The following PCDHGA4 variants were observed in gnomAD, a reference collection of about 807,000 sequenced individuals.
PCDHGA4 encodes protocadherin gamma subfamily A, 4, also known as protocadherin gamma-A4.
PCDHGA4 carries 38 observed loss-of-function variants against 54.6 expected under a neutral mutation model. The observed-to-expected ratio is 0.70, with a 90% confidence interval of 0.54 to 0.91. PCDHGA4 has a LOEUF of 0.91. Ranked by LOEUF, PCDHGA4 falls within the 40% of genes least tolerant of loss-of-function variation. The pLI is 0.00. For synonymous variants in PCDHGA4, 511 were observed against 512.9 expected, an observed-to-expected ratio of 1.00 and a Z score of 0.05; for missense variants, 1,298 against 1,220.9, an observed-to-expected ratio of 1.06 and a Z score of -0.94.
chr5:141,409,861 A>C, intron 1 of PCDHGA4: 1 of 1,612,406 alleles, frequency 6.2e-7, no homozygotes, highest in Non-Finnish European at 8.5e-7. Context: ...TGTTGGTGGG[A>C]GACCGCAATG....
At chr5:141,423,187 C>G in intron 1 of PCDHGA4, 5 of 1,613,640 alleles carry the variant, frequency 3.1e-6, no homozygotes, top group Middle Eastern at 1.6e-4. Context: ...CGGCCAGCCC[C>G]CTCTCTCGGC....
intron 1 of PCDHGA4, among the ~76,000 whole-genome samples, chr5:141,407,512 T>C (rs910710605): frequency 6.6e-6 from 1 of 152,192 alleles, no homozygotes; most frequent in East Asian, 1.9e-4. Context: ...TCTTAGGCTA[T>C]GTAGGACTTA....
rs1167955962 is a variant in PCDHGA4, at chr5:141,477,078, A to G, written c.2515-17729A>G. ...GAGGACACCAAACTCCATGAGATTT[A>G]CATCCAGGCCAAAGACAAGGGCGCC... On this transcript the variant is annotated intron_variant, in intron 1 of 3. Transcript: ENST00000571252. This position sits in a 1 kb window ranked among gnomAD's most constrained non-coding sequence, Gnocchi z 4.9. The G allele has an allele frequency of 6.8e-6, 11 of 1,614,262 alleles. No individual in the cohort carries two copies. In the South Asian group the frequency reaches 1.2e-4, roughly 18 times the overall value.
chr5:141,421,831 G>C lies in PCDHGA4; in HGVS notation c.2514+64210G>C, dbSNP rs201283981. ...AGAGCTAGTACTGGAGGGAAGCCTG[G>C]ACCGAGAGAAAGAGGCTGCTCACCT... On this transcript the variant is annotated intron_variant, in intron 1 of 3. Transcript: ENST00000571252. 68 of 1,613,784 alleles carry C rather than the reference G, an allele frequency of 4.2e-5. 1 individual carries two copies. The East Asian group carries it at 1.4e-3, about 33-fold the overall frequency.
At chr5:141,465,779 G>GTT (rs879859429) in intron 1 of PCDHGA4, among the ~76,000 whole-genome samples, 3 of 145,118 alleles carry the variant, frequency 2.1e-5, no homozygotes, top group Non-Finnish European at 3.0e-5. Context: ...TCTTGTTACA[G>GTT]TTTTTTTTTT....
Position 141,487,315 on chromosome 5 carries a change from G to C in PCDHGA4, c.2515-7492G>C, listed in dbSNP as rs568326280. On this transcript the variant is annotated intron_variant, in intron 1 of 3. Transcript: ENST00000571252. The surrounding 1 kb of genome is among the most constrained non-coding windows in gnomAD (Gnocchi z 5.0). ...GCTCATTCGTGGCACTACTCTCTAA[G>C]TGTCTTCGTGGGGCAGCCTGTGGAG... 6.2e-7 allele frequency: 1 copy of C among 1,614,166 alleles called. No individual in the cohort carries two copies. Among genetic ancestry groups the C allele is most frequent in the Admixed American group, 1.7e-5 (1 of 60,028 alleles).
In PCDHGA4 at chr5:141,461,525, A is replaced by T. The variant is rs966592635; in HGVS notation, c.2515-33282A>T. ...TTGGTGATTTGTTAGTTCCTTGTAGATTCTGGATACTAGTCCTTTGTCAGA... is the reference window on the plus strand; with the variant it reads ...TTGGTGATTTGTTAGTTCCTTGTAGTTTCTGGATACTAGTCCTTTGTCAGA... On this transcript the variant is annotated intron_variant, in intron 1 of 3. Coordinates refer to ENST00000571252, the MANE Select transcript of PCDHGA4 (RefSeq NM_018917.4). 5.3e-5 allele frequency among the ~76,000 whole-genome samples: 8 copies of T among 152,106 alleles called. No individual in the cohort carries two copies. The South Asian group carries it at 1.7e-3, about 31-fold the overall frequency.
chr5:141,408,842 G>A, intron 1 of PCDHGA4: 1 of 1,613,598 alleles, frequency 6.2e-7, no homozygotes, highest in African/African-American at 1.3e-5. Flanking sequence ...GATATTGACT[G>A]CCTTGGACGG....
In PCDHGA4 at chr5:141,404,421, C is replaced by G. The variant is rs199749783; in HGVS notation, c.2514+46800C>G. On this transcript the variant is annotated intron_variant, in intron 1 of 3. Coordinates refer to ENST00000571252, the MANE Select transcript of PCDHGA4 (RefSeq NM_018917.4). ...AATGAGAATTCTAGAGTTATTTACT[C>G]CTTGGCAGAGGATACCATCCAAGGG... 462 of 1,613,692 alleles carry G rather than the reference C, an allele frequency of 2.9e-4. 1 individual carries two copies. The African/African-American group carries it at 5.5e-3, about 19-fold the overall frequency.
chr5:141,421,220 A>G (rs1178268746), intron 1 of PCDHGA4: 2 of 1,575,620 alleles, frequency 1.3e-6, no homozygotes, highest in Non-Finnish European at 1.7e-6. Flanking sequence ...ATCGGCTTAG[A>G]GCCTGCCATG....
Position 141,357,445 on chromosome 5 carries a change from T to C in PCDHGA4, c.2338T>C (p.Phe780Leu). Residue 780 changes from phenylalanine to leucine, a missense_variant, in exon 1 of 4, where the codon TTC becomes CTC. Physicochemically the swap from Phe to Leu is conservative, Grantham distance 22 (BLOSUM62 0). Coordinates refer to ENST00000571252, the MANE Select transcript of PCDHGA4 (RefSeq NM_018917.4). ...HFVGVDGVRA[F>L]LQTYSHEVSL... ...TGTGGGCGTGGACGGGGTTCGGGCT[T>C]TCCTGCAGACCTATTCCCACGAGGT... The C allele has an allele frequency of 1.9e-6, 3 of 1,614,216 alleles. No individual in the cohort carries two copies. The highest frequency in any genetic ancestry group is 2.5e-6 in the Non-Finnish European group (3 of 1,180,046).
In PCDHGA4 at chr5:141,431,430, G is replaced by A; in HGVS notation, c.2515-63377G>A. ...GACGGGGGCGACCCGGTGCGCACAG[G>A]CACCGCGCGCATCCGCGTGATGGTT... is the stretch of plus-strand genomic sequence containing the variant. On this transcript the variant is annotated intron_variant, in intron 1 of 3. Coordinates refer to ENST00000571252, the MANE Select transcript of PCDHGA4 (RefSeq NM_018917.4). The surrounding 1 kb of genome is among the most constrained non-coding windows in gnomAD (Gnocchi z 4.8). 1 of 1,613,680 alleles carries A rather than the reference G, an allele frequency of 6.2e-7. No individual in the cohort carries two copies. The highest frequency in any genetic ancestry group is 8.5e-7 in the Non-Finnish European group (1 of 1,180,018).
intron 1 of PCDHGA4, among the ~76,000 whole-genome samples, chr5:141,462,430 T>C (rs1471523013): frequency 2.0e-5 from 3 of 152,230 alleles, no homozygotes; most frequent in African/African-American, 4.8e-5. Flanking sequence ...TTGGTGAGTG[T>C]TGCTTACACA....
At chr5:141,403,099 C>G in intron 1 of PCDHGA4, 5 of 1,614,056 alleles carry the variant, frequency 3.1e-6, no homozygotes, top group Non-Finnish European at 4.2e-6. Context: ...GCAACATCTC[C>G]AAGGACCTGG....
chr5:141,468,486 TG>T (rs1562016448), intron 1 of PCDHGA4: 14 of 152,288 alleles, frequency 9.2e-5, no homozygotes. Context: ...GTAGGTCTCA[TG>T]GAAGATTTTC....
chr5:141,405,229 C>T, intron 1 of PCDHGA4: 1 of 1,614,144 alleles, frequency 6.2e-7, no homozygotes, highest in Non-Finnish European at 8.5e-7. Context: ...AGTTCTCCCT[C>T]ACCGCTGACT....
chr5:141,400,221 C>G (rs377228541), intron 1 of PCDHGA4: 1 of 1,614,060 alleles, frequency 6.2e-7, no homozygotes, highest in Non-Finnish European at 8.5e-7. Flanking sequence ...TCTCAGTGCT[C>G]TTCCTCCTGG....
chr5:141,400,133 C>T, intron 1 of PCDHGA4: 1 of 1,614,066 alleles, frequency 6.2e-7, no homozygotes, highest in Non-Finnish European at 8.5e-7. Context: ...GAGGTGCTGC[C>T]GGATATCACT....
chr5:141,428,679 TGGATGA>T (rs1231732563), intron 1 of PCDHGA4: 1 of 163,254 alleles, frequency 6.1e-6, no homozygotes, highest in Non-Finnish European at 1.3e-5. Flanking sequence ...CATTTACAAA[TGGATGA>T]GGTTTAATTT....
Sources: gnomAD v4.1 joint callset for allele counts (sites outside exome capture counted in the v4.1 genomes callset) on GRCh38, gnomAD v4.1.1 for gene constraint, Gnocchi (gnomAD v3.1) non-coding constraint, MANE v1.5 for transcripts, NCBI Gene and HGNC (gene_info 2026-07-23, HGNC 2026-07-21) for gene names.